The following ABCA9 variants were observed in gnomAD, a reference collection of about 807,000 sequenced individuals.
ABCA9 encodes the protein ATP binding cassette subfamily A member 9.
ABCA9 carries 183 observed loss-of-function variants against 205.3 expected under a neutral mutation model. The observed-to-expected ratio is 0.89, with a 90% CI of 0.79 to 1.01. The LOEUF (loss-of-function observed/expected upper bound fraction) is 1.01. Among genes scored for constraint, ABCA9 ranks in the 50% least tolerant of loss-of-function variants. The pLI, the probability that ABCA9 is intolerant of heterozygous loss-of-function variation, is 0.00. For synonymous variants in ABCA9, 651 were observed against 683.3 expected (o/e 0.95, Z 0.74); for missense variants, 1,805 against 1,912.4 (o/e 0.94, Z 1.05).
chr17:68,989,947 A>G lies in ABCA9; in HGVS notation c.3838-17T>C. On this transcript the variant is annotated splice_polypyrimidine_tract_variant and intron_variant, in intron 29 of 38. Coordinates refer to ENST00000340001, the MANE Select transcript of ABCA9 (RefSeq NM_080283.4). ...GACGGGTGTCTGTAAAGACAAGTAA[A>G]TAACAACGGGACTTTATTCGCATCT... The G allele has an allele frequency of 1.3e-6, 2 of 1,545,830 alleles. No homozygotes were observed. Among genetic ancestry groups the G allele is most frequent in the East Asian group, 4.5e-5 (2 of 44,326 alleles).
rs2143888360 is a variant in ABCA9, at chr17:68,975,039, T to G, written c.*876A>C. On this transcript the variant is annotated 3_prime_UTR_variant, in exon 39 of 39. Coordinates refer to ENST00000340001, the MANE Select transcript of ABCA9 (RefSeq NM_080283.4). ...CCCCAACAGGCCCCAGGGTGTGGTGTTCCCCTCCCTGTGTCCATGTATTCT... is the reference window on the plus strand; with the variant it reads ...CCCCAACAGGCCCCAGGGTGTGGTGGTCCCCTCCCTGTGTCCATGTATTCT... 6.6e-6 allele frequency: 1 copy of G among 152,144 alleles called. No homozygotes were observed. The highest frequency in any genetic ancestry group is 2.1e-4 in the South Asian group (1 of 4,808). The allele number at this position is 152,144 out of a possible 1,614,324, so 9.4% of individuals were successfully genotyped here. A position where few individuals can be genotyped will look rare whatever the true frequency, so the allele number is the denominator to read the frequency against.
chr17:69,020,615 G>A (rs2070780783), intron 18 of ABCA9, 29 bp from the exon 19 acceptor site: 1 of 1,594,494 alleles, frequency 6.3e-7, no homozygotes, highest in African/African-American at 1.3e-5. Context: ...ATTTTATAAA[G>A]TGCCATTTTA....
At chr17:68,991,040 A>G (rs2069434747) in intron 28 of ABCA9, 83 bp from the exon 29 acceptor site, 3 of 1,478,410 alleles carry the variant, frequency 2.0e-6, no homozygotes, top group Admixed American at 2.2e-5. Context: ...TATACTTCCA[A>G]TTTTTGGAGT....
In ABCA9 at chr17:68,984,944, T is replaced by G; in HGVS notation, c.4320A>C (p.Ser1440=). The change falls in exon 34 of 39, where the codon TCA becomes TCC. Residue 1440 remains serine (S), a synonymous_variant. Transcript: ENST00000340001. ...CFVLSILGNP[S]VVLLDEPSTG... Reference sequence around the variant, plus strand: ...TCGACGGCTCATCCAGAAGCACCACTGACGGGTTCCCCAGGATGCTCAGCA... The same window carrying G: ...TCGACGGCTCATCCAGAAGCACCACGGACGGGTTCCCCAGGATGCTCAGCA... 1 of 1,614,158 alleles carries G rather than the reference T, an allele frequency of 6.2e-7. No homozygotes were observed. The highest frequency in any genetic ancestry group is 8.5e-7 in the Non-Finnish European group (1 of 1,180,026).
At chr17:69,049,219 A>C in intron 3 of ABCA9, 64 bp downstream of exon 3, 1 of 1,410,462 alleles carries the variant, frequency 7.1e-7, no homozygotes, top group Non-Finnish European at 9.7e-7. Flanking sequence ...TATGAAGGAA[A>C]TCTCAAAATG....
At chr17:68,982,781 G>A (rs2069102067) in intron 36 of ABCA9, 140 bp from the exon 37 acceptor site, 2 of 611,768 alleles carry the variant, frequency 3.3e-6, no homozygotes, top group Non-Finnish European at 5.8e-6. Flanking sequence ...AAGAAGGGAA[G>A]ATTGCTTGAG....
chr17:69,026,255 C>G, intron 16 of ABCA9, 122 bp downstream of exon 16: 1 of 730,464 alleles, frequency 1.4e-6, no homozygotes, highest in Admixed American at 2.4e-5. Context: ...CTTAGTTCTA[C>G]CATAGCTCCC....
At position 69,045,279 on chromosome 17, in the gene ABCA9, T is replaced by C. The variant is rs762220918; in HGVS notation, c.362A>G (p.Tyr121Cys). The C allele has an allele frequency of 6.2e-7, 1 of 1,613,146 alleles. No individual in the cohort carries two copies. The highest frequency in any genetic ancestry group is 8.5e-7 in the Non-Finnish European group (1 of 1,179,534). Residue 121 changes from tyrosine (Y) to cysteine (C), a missense_variant, in exon 4 of 39, where the codon TAT becomes TGT. Transcript: ENST00000340001. ...EKSMDELDLN[Y>C]SIDAVRVIFT... ...GATGACTCTCACTGCGTCTATTGAA[T>C]AGTTCAAATCCAATTCATCCATGCT...
chr17:69,007,730 AAAAT>A, intron 25 of ABCA9, 25 bp downstream of exon 25: 1 of 1,324,762 alleles, frequency 7.5e-7, no homozygotes, highest in Non-Finnish European at 1.1e-6. Context: ...GAAAAATGGT[AAAAT>A]AATAGGTAGT....
intron 3 of ABCA9, among the ~76,000 whole-genome samples, chr17:69,045,739 G>T (rs1235983043): frequency 6.6e-6 from 1 of 152,124 alleles, no homozygotes; most frequent in African/African-American, 2.4e-5. Context: ...GAGAGAGAAT[G>T]AGTGCAAGCA....
At chr17:68,980,920 A>T (rs76357960) in intron 37 of ABCA9, among the ~76,000 whole-genome samples, 1 of 146,438 alleles carries the variant, frequency 6.8e-6, no homozygotes, top group Non-Finnish European at 1.5e-5. Flanking sequence ...ATAATAATAT[A>T]AAAAAACTAA....
Position 69,007,891 on chromosome 17 carries a change from A to G in ABCA9, c.3322-19T>C. 1 of 1,520,860 alleles carries G rather than the reference A, an allele frequency of 6.6e-7. No homozygotes were observed. Among genetic ancestry groups the G allele is most frequent in the Admixed American group, 1.7e-5 (1 of 58,406 alleles). The allele number at this position is 1,520,860 out of a possible 1,614,324, so 94.2% of individuals were successfully genotyped here. A position where few individuals can be genotyped will look rare whatever the true frequency, so the allele number is the denominator to read the frequency against. On this transcript the variant is annotated intron_variant, in intron 24 of 38. Coordinates refer to ENST00000340001, the MANE Select transcript of ABCA9 (RefSeq NM_080283.4). ...ACAGGATCTGAAAACAGAAATGTTA[A>G]GGTCCAATAAGGTAAATACTATCTA...
chr17:69,071,696 A>T, the ABCA9 span, among the ~76,000 whole-genome samples: 3 of 152,194 alleles, frequency 2.0e-5, no homozygotes, highest in Non-Finnish European at 2.9e-5. Flanking sequence ...TCCTCCAAAA[A>T]ATCAAAACTC....
the ABCA9 span, chr17:69,078,905 ATACTAT>A: frequency 1.2e-6 from 1 of 848,328 alleles, no homozygotes; most frequent in South Asian, 2.3e-5. Context: ...AAAATTAAAC[ATACTAT>A]TAATTATTAC....
chr17:69,032,564 A>G, intron 9 of ABCA9: 1 of 240,030 alleles, frequency 4.2e-6, no homozygotes. Context: ...AATCTAATTA[A>G]GAACAATTTT....
At chr17:68,979,915 A>G (rs2068994702) in intron 37 of ABCA9, among the ~76,000 whole-genome samples, 1 of 152,224 alleles carries the variant, frequency 6.6e-6, no homozygotes, top group African/African-American at 2.4e-5. Context: ...AATGGCAACA[A>G]AAGACAAAAT....
chr17:68,978,614 C>G (rs1345523632), intron 37 of ABCA9, among the ~76,000 whole-genome samples: 1 of 152,104 alleles, frequency 6.6e-6, no homozygotes, highest in Non-Finnish European at 1.5e-5. Flanking sequence ...ACCGGTTGTT[C>G]CTTTCCATGT....
chr17:68,993,195 C>G, intron 26 of ABCA9, 111 bp from the exon 27 acceptor site: 1 of 811,096 alleles, frequency 1.2e-6, no homozygotes, highest in South Asian at 1.6e-5. Context: ...ACCATTCGAC[C>G]TGATGCTCCC....
In ABCA9 at chr17:68,975,011, T is replaced by TC. The variant is rs1033676737; in HGVS notation, c.*903dup. 6.6e-6 allele frequency: 1 copy of TC among 151,386 alleles called. No individual in the cohort carries two copies. The highest frequency in any genetic ancestry group is 1.5e-5 in the Non-Finnish European group (1 of 67,898). The allele number at this position is 151,386 out of a possible 1,614,324, so 9.4% of individuals were successfully genotyped here. A position where few individuals can be genotyped will look rare whatever the true frequency, so the allele number is the denominator to read the frequency against. On this transcript the variant is annotated 3_prime_UTR_variant, in exon 39 of 39. Coordinates refer to ENST00000340001, the MANE Select transcript of ABCA9 (RefSeq NM_080283.4). ...AATGCTATCCCTCCCCTAGCCCCCATCCCCCCAACAGGCCCCAGGGTGTGG... is the reference window on the plus strand; with the variant it reads ...AATGCTATCCCTCCCCTAGCCCCCATCCCCCCCAACAGGCCCCAGGGTGTGG...
Sources: gnomAD v4.1 joint callset for allele counts (sites outside exome capture counted in the v4.1 genomes callset) on GRCh38, gnomAD v4.1.1 for gene constraint, MANE v1.5 for transcripts, NCBI Gene and HGNC (gene_info 2026-07-23, HGNC 2026-07-21) for gene names.